Variants in DMXL1 observed in about 807,000 individuals in gnomAD.
The protein encoded by DMXL1 is dmX-like protein 1.
Under a neutral mutation model 319.2 loss-of-function variants are expected in DMXL1, and 99 were observed. The ratio of observed to expected loss-of-function variants is 0.31; its 90% CI spans 0.26 to 0.37. The LOEUF (loss-of-function observed/expected upper bound fraction) is 0.37, where lower values mean the gene tolerates loss of function less well. DMXL1 is among the 10% of genes least tolerant of loss of function. The pLI, the probability that DMXL1 is intolerant of heterozygous loss-of-function variation, is 1.00. For missense variants in DMXL1, 3,745 were observed against 3,595.6 expected (o/e 1.04, Z -1.06); for synonymous variants, 1,385 against 1,235.2 (o/e 1.12, Z -2.54).
At chr5:119,234,024 A>G (rs1787255202) in intron 39 of DMXL1, among the ~76,000 whole-genome samples, 2 of 152,076 alleles carry the variant, frequency 1.3e-5, no homozygotes, top group Admixed American at 6.6e-5. Context: ...GCTACTTCCT[A>G]CTACAGCAGC....
rs765451536 is a variant in DMXL1, at chr5:119,149,952, A to G, written c.4125A>G (p.Thr1375=). 6.2e-7 allele frequency: 1 copy of G among 1,613,924 alleles called. No individual in the cohort carries two copies. Among genetic ancestry groups the G allele is most frequent in the Admixed American group, 1.7e-5 (1 of 59,946 alleles). Residue 1375 remains threonine, a synonymous_variant, in exon 18 of 44, where the codon ACA becomes ACG. Transcript: ENST00000539542. ...ATGAACGCCGCCTTAGGTCTCTCAC[A>G]ATCAGTGCTAGTGGAAGCACTACCA... ...SNHERRLRSL[T]ISASGSTTRD... is the part of the protein sequence containing the mutation.
intron 38 of DMXL1, among the ~76,000 whole-genome samples, chr5:119,227,665 T>C (rs1465003898): frequency 6.6e-6 from 1 of 152,192 alleles, no homozygotes; most frequent in African/African-American, 2.4e-5. Context: ...CTTTGGTTCC[T>C]TAAAGCTGTC....
intron 43 of DMXL1, among the ~76,000 whole-genome samples, chr5:119,246,476 TTG>T (rs1789783090): frequency 6.6e-6 from 1 of 152,212 alleles, no homozygotes; most frequent in Non-Finnish European, 1.5e-5. Flanking sequence ...TTTAAGTATT[TTG>T]TGTTAAAGCA....
intron 1 of DMXL1, among the ~76,000 whole-genome samples, chr5:119,072,289 A>G (rs939193707): frequency 2.0e-5 from 3 of 152,172 alleles, no homozygotes; most frequent in African/African-American, 4.8e-5. Flanking sequence ...TTGGTCACAT[A>G]TTGACAAGAA....
At chr5:119,144,807 G>C (rs1014338230) in intron 15 of DMXL1, among the ~76,000 whole-genome samples, 169 bp downstream of exon 15, 8 of 151,564 alleles carry the variant, frequency 5.3e-5, no homozygotes, top group Non-Finnish European at 8.9e-5. Flanking sequence ...TTCTTAACCA[G>C]GTAATAAATA....
At chr5:119,189,677 C>T in intron 28 of DMXL1, 31 bp from the exon 29 acceptor site, 6 of 1,598,640 alleles carry the variant, frequency 3.8e-6, no homozygotes, top group Non-Finnish European at 5.1e-6. Context: ...GAAAATAGTA[C>T]TTCAGTAACA....
intron 1 of DMXL1, among the ~76,000 whole-genome samples, chr5:119,080,179 C>T (rs1751874531): frequency 6.6e-6 from 1 of 152,056 alleles, no homozygotes; most frequent in South Asian, 2.1e-4. Context: ...AAACCTGTTT[C>T]TACTAAAAAT....
Position 119,242,014 on chromosome 5 carries a change from C to A in DMXL1, c.8704+1543C>A, listed in dbSNP as rs140543117. Among the ~76,000 whole-genome samples the A allele has an allele frequency of 7.9e-4, 120 of 152,284 alleles. 1 individual carries two copies. The highest frequency in any genetic ancestry group is 2.7e-3 in the African/African-American group (113 of 41,578). ...TCTCGACTGTCGATGGCACCACTTACAATCTGTATTTGTGTGCGTATGTTT... is the reference window on the plus strand; with the variant it reads ...TCTCGACTGTCGATGGCACCACTTAAAATCTGTATTTGTGTGCGTATGTTT... On this transcript the variant is annotated intron_variant, in intron 42 of 43. Transcript: ENST00000539542.
Position 119,133,819 on chromosome 5 carries a change from G to C in DMXL1, c.1895G>C (p.Arg632Thr). The C allele has an allele frequency of 6.2e-7, 1 of 1,614,116 alleles. No homozygotes were observed. Among genetic ancestry groups the C allele is most frequent in the Non-Finnish European group, 8.5e-7 (1 of 1,180,036 alleles). The change falls in exon 12 of 44, where the codon AGA (arginine) becomes ACA (threonine). Residue 632 changes from arginine (R) to threonine (T), a missense_variant. Arg to Thr is a moderately conservative substitution (Grantham distance 71). Around this residue, in one of 4 missense-constraint regions of DMXL1, gnomAD observed 2,096 missense variants for 1,985.4 expected, o/e 1.06. Coordinates refer to ENST00000539542, the MANE Select transcript of DMXL1 (RefSeq NM_001290321.3). ...GTTCTCAGTATTTCCCACAAATCCAGATATTGTGGTCATCGTTTTCATCTT... is the reference window on the plus strand; with the variant it reads ...GTTCTCAGTATTTCCCACAAATCCACATATTGTGGTCATCGTTTTCATCTT... ...STVLSISHKS[R>T]YCGHRFHLND...
chr5:119,154,372 G>C (rs545436416), intron 19 of DMXL1, among the ~76,000 whole-genome samples: 2 of 152,200 alleles, frequency 1.3e-5, no homozygotes, highest in Non-Finnish European at 2.9e-5. Flanking sequence ...GAAACTAAAC[G>C]TTCTCCATTG....
intron 1 of DMXL1, among the ~76,000 whole-genome samples, chr5:119,083,440 C>T (rs2149702344): frequency 6.6e-6 from 1 of 152,242 alleles, no homozygotes; most frequent in Non-Finnish European, 1.5e-5. Context: ...AATAGTGCTG[C>T]AAAAACATGG....
At chr5:119,229,540 A>G (rs1488555331) in intron 38 of DMXL1, among the ~76,000 whole-genome samples, 3 of 152,130 alleles carry the variant, frequency 2.0e-5, no homozygotes, top group African/African-American at 7.2e-5. Flanking sequence ...GTATCCATGC[A>G]TATTTTGTTC....
At chr5:119,120,928 A>G (rs753671862) in intron 8 of DMXL1, 43 bp from the exon 9 acceptor site, 1 of 1,517,226 alleles carries the variant, frequency 6.6e-7, no homozygotes, top group Non-Finnish European at 8.9e-7. Context: ...TACGTGTATG[A>G]CTTTTGACAA....
intron 6 of DMXL1, 49 bp from the exon 7 acceptor site, chr5:119,116,109 C>T: frequency 6.5e-7 from 1 of 1,526,998 alleles, no homozygotes; most frequent in Non-Finnish European, 8.8e-7. Flanking sequence ...TTGATTTAAT[C>T]TTTAATTCTG....
At chr5:119,144,339 A>G (rs1166789686) in intron 14 of DMXL1, among the ~76,000 whole-genome samples, 197 bp from the exon 15 acceptor site, 2 of 151,886 alleles carry the variant, frequency 1.3e-5, no homozygotes, top group African/African-American at 4.8e-5. Flanking sequence ...CATTGTAATG[A>G]AAGCAAATCA....
rs545520158 is a variant in DMXL1, at chr5:119,105,398, T to C, written c.364+140T>C. 11 of 628,408 alleles carry C rather than the reference T, an allele frequency of 1.8e-5. No homozygotes were observed. In the African/African-American group the frequency reaches 1.8e-4, roughly 10 times the overall value. 38.9% of individuals were successfully genotyped at this position (628,408 alleles called of 1,614,324 possible). A position where few individuals can be genotyped will look rare whatever the true frequency, so the allele number is the denominator to read the frequency against. On this transcript the variant is annotated intron_variant, in intron 4 of 43. Coordinates refer to ENST00000539542, the MANE Select transcript of DMXL1 (RefSeq NM_001290321.3). The stretch of plus-strand genomic sequence containing the variant: ...AGAAGTAAAATGGATTATGCCCTTT[T>C]AGAGTTTATACTGAAATGAAGACAG...
chr5:119,096,330 C>A (rs2149773373), intron 1 of DMXL1, among the ~76,000 whole-genome samples: 1 of 152,106 alleles, frequency 6.6e-6, no homozygotes, highest in South Asian at 2.1e-4. Context: ...GCATGCACGA[C>A]CATGCCCGGC....
chr5:119,085,643 A>G (rs1347830317), intron 1 of DMXL1, among the ~76,000 whole-genome samples: 3 of 152,100 alleles, frequency 2.0e-5, no homozygotes, highest in Non-Finnish European at 2.9e-5. Flanking sequence ...AACAAGGCTA[A>G]TTTGACTTCT....
intron 29 of DMXL1, among the ~76,000 whole-genome samples, chr5:119,190,611 T>C (rs1778541058): frequency 6.6e-6 from 1 of 152,036 alleles, no homozygotes; most frequent in Non-Finnish European, 1.5e-5. Context: ...AGTGCATCCA[T>C]AAAAAAAGTG....
Sources: gnomAD v4.1 joint callset for allele counts (sites outside exome capture counted in the v4.1 genomes callset) on GRCh38, gnomAD v4.1.1 for gene constraint, gnomAD v4.1.1 regional missense constraint, MANE v1.5 for transcripts, NCBI Gene and HGNC (gene_info 2026-07-23, HGNC 2026-07-21) for gene names.